The following DENND2B variants were observed in gnomAD, a reference collection of about 807,000 sequenced individuals.
DENND2B encodes DENN domain-containing protein 2B.
A neutral mutation model predicts 116.0 loss-of-function variants in DENND2B; 32 were observed. The ratio of observed to expected loss-of-function variants is 0.28; its 90% CI spans 0.21 to 0.37. The LOEUF is 0.37. Ranked by LOEUF, DENND2B falls within the 10% of genes least tolerant of loss-of-function variation. The pLI, the probability that DENND2B is intolerant of heterozygous loss-of-function variation, is 1.00. For synonymous variants in DENND2B, 588 were observed against 583.9 expected, an observed-to-expected ratio of 1.01 and a Z score of -0.10; for missense variants, 1,276 against 1,477.7, an observed-to-expected ratio of 0.86 and a Z score of 2.24.
intron 1 of DENND2B, among the ~76,000 whole-genome samples, chr11:8,800,193 A>G (rs1037649301): frequency 1.3e-5 from 2 of 152,030 alleles, no homozygotes; most frequent in Non-Finnish European, 2.9e-5. Flanking sequence ...GCCTCAAACA[A>G]TCCTCCTGCC....
At chr11:8,842,403 T>C (rs756393969) in intron 3 of DENND2B, among the ~76,000 whole-genome samples, 5 of 152,174 alleles carry the variant, frequency 3.3e-5, no homozygotes, top group Non-Finnish European at 5.9e-5. Context: ...TAAACCTCCA[T>C]TTCTCCCTCT....
chr11:8,905,420 AC>A (rs2134767588), intron 1 of DENND2B, among the ~76,000 whole-genome samples: 1 of 152,326 alleles, frequency 6.6e-6, no homozygotes, highest in African/African-American at 2.4e-5. Context: ...AAATGTAAAA[AC>A]TAAAATATAC....
chr11:8,695,951 GAT>G (rs892284008), intron 18 of DENND2B: 7 of 209,086 alleles, frequency 3.3e-5, no homozygotes, highest in African/African-American at 2.8e-4. Flanking sequence ...GAAAAATTGT[GAT>G]GAGATGAAAA....
At position 8,887,125 on chromosome 11, in the gene DENND2B, C is replaced by A. The variant is rs937949522; in HGVS notation, c.-255-6016G>T. Among the ~76,000 whole-genome samples the A allele has an allele frequency of 2.9e-4, 44 of 152,142 alleles. 1 individual carries two copies. The highest frequency in any genetic ancestry group is 1.3e-4 in the Admixed American group (2 of 15,284). ...TTACAGCACGGTGAGCCACCACGCC[C>A]GGCCTGTGAAGATTTATCTTACAAT... On this transcript the variant is annotated intron_variant, in intron 1 of 22. Coordinates refer to the DENND2B transcript ENST00000534127.
rs367910672 is a variant in DENND2B at position 8,730,210 on chromosome 11, A to C, written c.1080T>G (p.Thr360=). The change falls in exon 3 of 20, where the codon ACT becomes ACG. Residue 360 remains threonine, a synonymous_variant. Coordinates refer to ENST00000313726, the MANE Select transcript of DENND2B (RefSeq NM_213618.2). The surrounding 1 kb of genome is among the most constrained non-coding windows in gnomAD (Gnocchi z 4.1). ...GGCTATTTCCAGGGGTCCCGGGCTT[A>C]GTGGAACCACTGCCTTCCCTCTCTG... The part of the protein sequence containing the change: ...PPPEREGSGS[T]KPGTPGNSPS... 6.2e-7 allele frequency: 1 copy of C among 1,613,332 alleles called. No individual in the cohort carries two copies. Among genetic ancestry groups the C allele is most frequent in the Non-Finnish European group, 8.5e-7 (1 of 1,179,652 alleles).
intron 1 of DENND2B, among the ~76,000 whole-genome samples, chr11:8,772,728 C>T (rs979589762): frequency 2.0e-5 from 3 of 152,084 alleles, no homozygotes; most frequent in African/African-American, 7.2e-5. Context: ...GACACCTGGG[C>T]GGCTCCAGCG....
chr11:8,792,110 C>G (rs2059433975), intron 1 of DENND2B, among the ~76,000 whole-genome samples: 1 of 151,840 alleles, frequency 6.6e-6, no homozygotes, highest in Non-Finnish European at 1.5e-5. Flanking sequence ...GAGGCTGAGG[C>G]AGGAGAATTG....
Position 8,707,849 on chromosome 11 carries a change from A to G in DENND2B, c.2358T>C (p.Ser786=). The G allele has an allele frequency of 6.2e-7, 1 of 1,609,118 alleles. No individual in the cohort carries two copies. The highest frequency in any genetic ancestry group is 1.3e-5 in the African/African-American group (1 of 75,030). The part of the protein sequence containing the change: ...RFGYCRRLLP[S]GKGPRLPEVY... ...CCTCTGGCAACCGGGGCCCTTTCCCACTTGGCTGGGCCAGGACAAGGAGGA... is the reference window on the plus strand; with the variant it reads ...CCTCTGGCAACCGGGGCCCTTTCCCGCTTGGCTGGGCCAGGACAAGGAGGA... Residue 786 remains serine, a synonymous_variant, in exon 12 of 20, where the codon AGT becomes AGC. Transcript: ENST00000313726. The surrounding 1 kb of genome is among the most constrained non-coding windows in gnomAD (Gnocchi z 4.8).
intron 1 of DENND2B, among the ~76,000 whole-genome samples, chr11:8,801,689 A>AAAAAGAAAGAAAG (rs56084309): frequency 1.1e-3 from 127 of 117,702 alleles, no homozygotes; most frequent in African/African-American, 2.0e-3. Context: ...AAAAAAAAAA[A>AAAAAGAAAGAAAG]AAAGAAAGAA....
At chr11:8,863,139 G>T (rs954736465) in intron 2 of DENND2B, among the ~76,000 whole-genome samples, 6 of 151,566 alleles carry the variant, frequency 4.0e-5, no homozygotes, top group African/African-American at 1.5e-4. Context: ...AACATAGGGG[G>T]ACCCCGTCTC....
At chr11:8,740,442 T>C (rs2049994551) in intron 2 of DENND2B, among the ~76,000 whole-genome samples, 1 of 152,142 alleles carries the variant, frequency 6.6e-6, no homozygotes, top group Admixed American at 6.5e-5. Flanking sequence ...CCCGAGGAAC[T>C]TTTCTGGAGG....
chr11:8,778,586 G>A (rs1169114412), intron 1 of DENND2B, among the ~76,000 whole-genome samples: 1 of 152,250 alleles, frequency 6.6e-6, no homozygotes, highest in Non-Finnish European at 1.5e-5. Context: ...CTCCCCGCCT[G>A]CTTCCAGCTC....
At chr11:8,719,008 G>C in intron 4 of DENND2B, 2 of 986,664 alleles carry the variant, frequency 2.0e-6, no homozygotes, top group Non-Finnish European at 2.4e-6. Context: ...TGCAGAGCAG[G>C]ACTCACTCCA....
At chr11:8,803,720 T>G (rs1284460228) in intron 1 of DENND2B, among the ~76,000 whole-genome samples, 4 of 152,190 alleles carry the variant, frequency 2.6e-5, no homozygotes, top group Admixed American at 2.0e-4. Context: ...GTGGGTAATA[T>G]TATCACTCCC....
chr11:8,695,575 AAG>A, intron 18 of DENND2B, 26 bp from the exon 19 acceptor site: 2 of 1,607,310 alleles, frequency 1.2e-6, no homozygotes, highest in Non-Finnish European at 1.7e-6. Flanking sequence ...AGGCACAGGG[AAG>A]AGAACAGTCA....
chr11:8,909,460 A>AAGG (rs1419474712), intron 1 of DENND2B, among the ~76,000 whole-genome samples: 2 of 152,000 alleles, frequency 1.3e-5, no homozygotes, highest in Non-Finnish European at 2.9e-5. Flanking sequence ...GGAGAAGGAG[A>AAGG]AGGAGAAGAA....
chr11:8,843,805 C>T (rs1489712631), intron 3 of DENND2B, among the ~76,000 whole-genome samples: 2 of 152,202 alleles, frequency 1.3e-5, no homozygotes, highest in Admixed American at 6.5e-5. Flanking sequence ...ACTCCCTCTT[C>T]CCAGAATGGC....
intron 1 of DENND2B, among the ~76,000 whole-genome samples, chr11:8,789,428 T>C (rs1465382390): frequency 6.6e-6 from 1 of 152,206 alleles, no homozygotes; most frequent in Non-Finnish European, 1.5e-5. Flanking sequence ...AGTCACAAAA[T>C]GAAAACTATA....
chr11:8,711,840 C>A, intron 9 of DENND2B: 1 of 350,048 alleles, frequency 2.9e-6, no homozygotes, highest in Non-Finnish European at 5.8e-6. Context: ...GCACTCCAGC[C>A]TCTGTAACAA....
Sources: allele counts gnomAD v4.1 joint callset (sites outside exome capture counted in the v4.1 genomes callset), GRCh38; gene constraint gnomAD v4.1.1; non-coding constraint Gnocchi (gnomAD v3.1); transcripts MANE v1.5; gene names NCBI Gene and HGNC (gene_info 2026-07-23, HGNC 2026-07-21).